MIPOL1: variants seen among roughly 807,000 people sequenced by gnomAD.
The protein encoded by MIPOL1 is mirror-image polydactyly gene 1 protein.
A neutral mutation model predicts 60.9 loss-of-function variants in MIPOL1; 57 were observed. The ratio of observed to expected loss-of-function variants is 0.94; its 90% confidence interval spans 0.76 to 1.17. The LOEUF (loss-of-function observed/expected upper bound fraction) is 1.17. MIPOL1 is among the 50% of genes most tolerant of loss of function. MIPOL1 has a pLI of 0.00. For synonymous variants in MIPOL1, 179 were observed against 168.8 expected (o/e 1.06, Z -0.47); for missense variants, 551 against 511.6 (o/e 1.08, Z -0.74).
rs2095555892 is a variant in MIPOL1, at chr14:37,549,302, C to A, written c.*2331C>A. 6.6e-6 allele frequency: 1 copy of A among 151,778 alleles called. No homozygotes were observed. The highest frequency in any genetic ancestry group is 1.5e-5 in the Non-Finnish European group (1 of 67,790). 9.4% of individuals were successfully genotyped at this position (151,778 alleles called of 1,614,324 possible). On this transcript the variant is annotated 3_prime_UTR_variant, in exon 13 of 13. Coordinates refer to ENST00000684589, the MANE Select transcript of MIPOL1 (RefSeq NM_001388067.1). ...AGTAATTTACAGGAAAGGCAAAATGCTAATACTAACATTTGTAGCACTTGA... is the reference window on the plus strand; with the variant it reads ...AGTAATTTACAGGAAAGGCAAAATGATAATACTAACATTTGTAGCACTTGA...
chr14:37,338,705 A>G (rs10142018), intron 9 of MIPOL1, among the ~76,000 whole-genome samples: 151,236 of 152,274 alleles, frequency 0.99, 75,110 homozygotes, highest in Middle Eastern at 1. Context: ...CACCATGCCC[A>G]GCCATTTTTA....
chr14:37,415,570 A>C lies in MIPOL1; in HGVS notation c.937-7285A>C, dbSNP rs945502526. 5.4e-5 allele frequency among the ~76,000 whole-genome samples: 8 copies of C among 148,312 alleles called. No individual in the cohort carries two copies. The East Asian group carries it at 8.1e-4, about 15-fold the overall frequency. ...CGTGAACCTGGGAGGCGGAGCTTGC[A>C]GTGAGCCGAGATTGCGTCACTGCAC... On this transcript the variant is annotated intron_variant, in intron 10 of 12. Coordinates refer to ENST00000684589, the MANE Select transcript of MIPOL1 (RefSeq NM_001388067.1).
intron 10 of MIPOL1, among the ~76,000 whole-genome samples, chr14:37,376,287 T>C (rs1358645964): frequency 6.6e-6 from 1 of 152,170 alleles, no homozygotes; most frequent in Non-Finnish European, 1.5e-5. Flanking sequence ...CATTATAGTA[T>C]CATGCAGGAC....
intron 3 of MIPOL1, among the ~76,000 whole-genome samples, chr14:37,248,866 G>A (rs1157586186): frequency 6.6e-6 from 1 of 152,062 alleles, no homozygotes; most frequent in Non-Finnish European, 1.5e-5. Context: ...AGGTATGCAC[G>A]TGTGGAGGAA....
chr14:37,380,501 C>A (rs2092897534), intron 10 of MIPOL1, among the ~76,000 whole-genome samples: 1 of 151,988 alleles, frequency 6.6e-6, no homozygotes, highest in Non-Finnish European at 1.5e-5. Flanking sequence ...TTCATCAAGT[C>A]CATCAAGACA....
chr14:37,372,942 T>G (rs569352883), intron 10 of MIPOL1, among the ~76,000 whole-genome samples: 38 of 152,264 alleles, frequency 2.5e-4, no homozygotes, highest in African/African-American at 8.9e-4. Context: ...TAAAGTAAAT[T>G]TTATCTACTT....
chr14:37,207,646 T>C (rs1966300330), intron 1 of MIPOL1, among the ~76,000 whole-genome samples: 1 of 151,994 alleles, frequency 6.6e-6, no homozygotes, highest in African/African-American at 2.4e-5. Flanking sequence ...CCCAGGTTCA[T>C]GCGATTCTTG....
At chr14:37,387,988 G>A (rs1483474752) in intron 10 of MIPOL1, among the ~76,000 whole-genome samples, 2 of 151,786 alleles carry the variant, frequency 1.3e-5, no homozygotes, top group African/African-American at 4.8e-5. Context: ...GACTTAAAAC[G>A]ATGCAAATGT....
At chr14:37,286,473 T>A (rs1011249562) in intron 7 of MIPOL1, among the ~76,000 whole-genome samples, 24 of 152,174 alleles carry the variant, frequency 1.6e-4, no homozygotes, top group African/African-American at 5.8e-4. Context: ...AGAAAGGCCC[T>A]AGAACATCTA....
rs377432855 is a variant in MIPOL1, at chr14:37,270,408, A to G, written c.388-12A>G. ...CAAATAAGAATCCATGATTTTTTTC[A>G]ATGTGCTTTAGCTTCAGCAGAAATT... On this transcript the variant is annotated splice_polypyrimidine_tract_variant and intron_variant, in intron 5 of 12. Transcript: ENST00000684589. The G allele has an allele frequency of 7.5e-5, 105 of 1,403,002 alleles. No homozygotes were observed. Among genetic ancestry groups the G allele is most frequent in the Non-Finnish European group, 9.4e-5 (97 of 1,035,772 alleles). 86.9% of individuals were successfully genotyped at this position (1,403,002 alleles called of 1,614,324 possible).
chr14:37,474,705 G>A (rs1447056427), intron 11 of MIPOL1, among the ~76,000 whole-genome samples: 1 of 152,176 alleles, frequency 6.6e-6, no homozygotes, highest in East Asian at 1.9e-4. Context: ...GAAAGAATCT[G>A]TCAAACTATC....
Position 37,243,378 on chromosome 14 carries a change from GA to G in MIPOL1, c.-198-3721del, listed in dbSNP as rs528200720. On this transcript the variant is annotated intron_variant, in intron 1 of 12. Coordinates refer to ENST00000684589, the MANE Select transcript of MIPOL1 (RefSeq NM_001388067.1). ...GTTTGAGTCTTTTGTATAATAAGAT[GA>G]AAATCCAATAGTAAGACATGTGCTT... Among the ~76,000 whole-genome samples, 306 of 152,270 alleles carry G rather than the reference GA, an allele frequency of 2.0e-3. 1 individual carries two copies. Among genetic ancestry groups the G allele is most frequent in the African/African-American group, 7.2e-3 (301 of 41,558 alleles).
chr14:37,408,412 T>G (rs1324824285), intron 10 of MIPOL1, among the ~76,000 whole-genome samples: 1 of 152,072 alleles, frequency 6.6e-6, no homozygotes, highest in Non-Finnish European at 1.5e-5. Context: ...GGCAGGTCAC[T>G]TGAGCCCAGT....
chr14:37,315,156 T>TAAGACTTG lies in MIPOL1; in HGVS notation c.828+6650_828+6657dup, dbSNP rs1432777226. On this transcript the variant is annotated intron_variant, in intron 9 of 12. Transcript: ENST00000684589. ...TATTTTTCAAGATGAATTGTTGCTCTAAGACTTGAAGACTTGAAGAAGAGA... is the reference window on the plus strand; with the variant it reads ...TATTTTTCAAGATGAATTGTTGCTCTAAGACTTGAAGACTTGAAGACTTGAAGAAGAGA... Among the ~76,000 whole-genome samples, 4 of 152,284 alleles carry TAAGACTTG rather than the reference T, an allele frequency of 2.6e-5. No homozygotes were observed. The East Asian group carries it at 7.7e-4, about 29-fold the overall frequency.
At chr14:37,356,501 C>G (rs1849474394) in intron 9 of MIPOL1, among the ~76,000 whole-genome samples, 1 of 152,162 alleles carries the variant, frequency 6.6e-6, no homozygotes, top group Non-Finnish European at 1.5e-5. Context: ...CGCCCCTCCC[C>G]CAGCCTCGCT....
At chr14:37,506,824 G>C (rs1208632394) in intron 12 of MIPOL1, 3 of 152,048 alleles carry the variant, frequency 2.0e-5, no homozygotes, top group Non-Finnish European at 4.4e-5. Flanking sequence ...TACAGAATGG[G>C]AGAAAATTTT....
intron 11 of MIPOL1, among the ~76,000 whole-genome samples, chr14:37,437,626 A>G (rs1247995125): frequency 3.3e-5 from 5 of 152,144 alleles, no homozygotes; most frequent in Non-Finnish European, 7.4e-5. Flanking sequence ...TTCAGAGCTA[A>G]CACCACAGTA....
intron 11 of MIPOL1, among the ~76,000 whole-genome samples, chr14:37,449,987 A>T (rs1594394345): frequency 6.6e-6 from 1 of 151,628 alleles, no homozygotes; most frequent in African/African-American, 2.4e-5. Flanking sequence ...TAATTTTTGT[A>T]TTTTTAGTAG....
At chr14:37,463,764 CAATT>C (rs1192243792) in intron 11 of MIPOL1, among the ~76,000 whole-genome samples, 2 of 152,108 alleles carry the variant, frequency 1.3e-5, no homozygotes, top group East Asian at 1.9e-4. Flanking sequence ...AAATGGGACT[CAATT>C]AAACTAAAAA....
Sources: allele counts gnomAD v4.1 joint callset (sites outside exome capture counted in the v4.1 genomes callset), GRCh38; gene constraint gnomAD v4.1.1; transcripts MANE v1.5; gene names NCBI Gene and HGNC (gene_info 2026-07-23, HGNC 2026-07-21).